CDKN2AIP: variants seen among roughly 807,000 people sequenced by gnomAD.
CDKN2AIP encodes the protein CDKN2A-interacting protein.
Under a neutral mutation model 44.1 loss-of-function variants are expected in CDKN2AIP, and 12 were observed. That is an observed-to-expected ratio of 0.27 (90% CI 0.17 to 0.44). CDKN2AIP has a LOEUF of 0.44. CDKN2AIP is among the 20% of genes least tolerant of loss of function. The probability of loss-of-function intolerance (pLI) is 1.00; values close to 1 mark genes in which losing one functional copy is unlikely to be tolerated. For synonymous variants in CDKN2AIP, 291 were observed against 272.1 expected, an observed-to-expected ratio of 1.07 and a Z score of -0.68; for missense variants, 705 against 681.6, an observed-to-expected ratio of 1.03 and a Z score of -0.38.
chr4:183,444,958 C>G lies in CDKN2AIP; in HGVS notation c.161C>G (p.Ser54Cys), dbSNP rs918174581. 1 of 1,611,162 alleles carries G rather than the reference C, an allele frequency of 6.2e-7. No individual in the cohort carries two copies. The highest frequency in any genetic ancestry group is 1.3e-5 in the African/African-American group (1 of 74,894). Residue 54 changes from serine (S) to cysteine (C), a missense_variant, in exon 1 of 3, where the codon TCC becomes TGC. This residue lies in a region of CDKN2AIP where 592 missense variants were observed against 518.0 expected (regional missense o/e 1.14). Transcript: ENST00000504169. ...GDLAPAGGAA[S>C]ASTDEAADAE... ...CTGGCCCCCGCTGGCGGCGCTGCCT[C>G]CGCTAGCACGGATGAAGCTGCCGAC...
In CDKN2AIP at chr4:183,444,676, T is replaced by G. The variant is rs1458773896; in HGVS notation, c.-122T>G. ...GGCTCTGGGCGCTGTTGTTTGGTCTTTAGGCCTGCGGAGGGGCGTTATCTG... is the reference window on the plus strand; with the variant it reads ...GGCTCTGGGCGCTGTTGTTTGGTCTGTAGGCCTGCGGAGGGGCGTTATCTG... On this transcript the variant is annotated 5_prime_UTR_variant, in exon 1 of 3. Coordinates refer to ENST00000504169, the MANE Select transcript of CDKN2AIP (RefSeq NM_017632.4). The G allele has an allele frequency of 2.0e-6, 2 of 1,002,546 alleles. No individual in the cohort carries two copies. Among genetic ancestry groups the G allele is most frequent in the East Asian group, 5.8e-5 (2 of 34,728 alleles). 62.1% of individuals were successfully genotyped at this position (1,002,546 alleles called of 1,614,324 possible).
chr4:183,446,961 G>A lies in CDKN2AIP; in HGVS notation c.1277G>A (p.Cys426Tyr), dbSNP rs745397785. 2.5e-6 allele frequency: 4 copies of A among 1,614,202 alleles called. 1 individual carries two copies. The South Asian group carries it at 3.3e-5, about 13-fold the overall frequency. ...QSSESSVKFS[C>Y]KLTNEDVKQK... ...AGTGAGAGTTCTGTCAAATTCTCTT[G>A]CAAGTTAACCAATGAAGATGTGAAA... Residue 426 changes from cysteine to tyrosine, a missense_variant, in exon 3 of 3, where the codon TGC becomes TAC. By Grantham distance (194) the Cys-to-Tyr change is radical. Coordinates refer to ENST00000504169, the MANE Select transcript of CDKN2AIP (RefSeq NM_017632.4).
intron 2 of CDKN2AIP, 91 bp downstream of exon 2, chr4:183,445,756 C>T (rs537887747): frequency 9.3e-7 from 1 of 1,069,944 alleles, no homozygotes; most frequent in African/African-American, 1.6e-5. Flanking sequence ...TTTTAACAAG[C>T]CAGAATTTTT....
rs143545447 is a variant in CDKN2AIP at position 183,446,169 on chromosome 4, C to T, written c.485C>T (p.Ser162Phe). 1 of 1,614,156 alleles carries T rather than the reference C, an allele frequency of 6.2e-7. No individual in the cohort carries two copies. The change falls in exon 3 of 3, where the codon TCT becomes TTT. Residue 162 changes from serine (S) to phenylalanine (F), a missense_variant. Ser to Phe is a radical substitution (Grantham distance 155). This residue lies in a region of CDKN2AIP where 592 missense variants were observed against 518.0 expected (regional missense o/e 1.14). Coordinates refer to ENST00000504169, the MANE Select transcript of CDKN2AIP (RefSeq NM_017632.4). ...GTTGAGCAAGATCACGCAAAAACCT[C>T]TGCCAAGACAGAACGTGCATCAGCT... ...SAVEQDHAKT[S>F]AKTERASAQQ...
Position 183,444,645 on chromosome 4 carries a change from T to G in CDKN2AIP, c.-153T>G. ...GCCGGCGGTGGGCGGAAGTGGGCGGTTCGGCGGCTCTGGGCGCTGTTGTTT... is the reference window on the plus strand; with the variant it reads ...GCCGGCGGTGGGCGGAAGTGGGCGGGTCGGCGGCTCTGGGCGCTGTTGTTT... On this transcript the variant is annotated 5_prime_UTR_variant, in exon 1 of 3. Transcript: ENST00000504169. 1 of 623,900 alleles carries G rather than the reference T, an allele frequency of 1.6e-6. No individual in the cohort carries two copies. The highest frequency in any genetic ancestry group is 2.5e-6 in the Non-Finnish European group (1 of 406,244). 38.6% of individuals were successfully genotyped at this position (623,900 alleles called of 1,614,324 possible).
chr4:183,445,366 G>A (rs1733644434), intron 1 of CDKN2AIP, 169 bp from the exon 2 acceptor site: 2 of 634,126 alleles, frequency 3.2e-6, no homozygotes, highest in South Asian at 4.0e-5. Context: ...GAGGTGCCCT[G>A]CCTCCCAGAC....
chr4:183,446,791 A>C lies in CDKN2AIP; in HGVS notation c.1107A>C (p.Ser369=). Reference sequence around the variant, plus strand: ...AGAGCACTTCCCAGGTAGCTGCATCACTACTAGCTTCCAAGAGCAGCTCCC... The same window carrying C: ...AGAGCACTTCCCAGGTAGCTGCATCCCTACTAGCTTCCAAGAGCAGCTCCC... ...TSKSTSQVAA[S]LLASKSSSQT... The change falls in exon 3 of 3, where the codon TCA becomes TCC. Residue 369 remains serine (S), a synonymous_variant. Coordinates refer to ENST00000504169, the MANE Select transcript of CDKN2AIP (RefSeq NM_017632.4). 8 of 1,614,170 alleles carry C rather than the reference A, an allele frequency of 5.0e-6. No individual in the cohort carries two copies. Among genetic ancestry groups the C allele is most frequent in the Non-Finnish European group, 6.8e-6 (8 of 1,180,000 alleles).
chr4:183,444,756 C>T lies in CDKN2AIP; in HGVS notation c.-42C>T, dbSNP rs140106882. 5.0e-3 allele frequency: 7,376 copies of T among 1,478,828 alleles called. 31 individuals are homozygous for T. Among genetic ancestry groups the T allele is most frequent in the Admixed American group, 6.5e-3 (284 of 43,944 alleles). 91.6% of individuals were successfully genotyped at this position (1,478,828 alleles called of 1,614,324 possible). A position where few individuals can be genotyped will look rare whatever the true frequency, so the allele number is the denominator to read the frequency against. ...GGGCCGCTCGCCCCGCTAGTCCTGC[C>T]TGTCTCCCGGTGCAGCTGTGTTCGC... On this transcript the variant is annotated 5_prime_UTR_variant, in exon 1 of 3. Coordinates refer to ENST00000504169, the MANE Select transcript of CDKN2AIP (RefSeq NM_017632.4).
Position 183,447,428 on chromosome 4 carries a change from T to C in CDKN2AIP, c.*1T>C, listed in dbSNP as rs975349688. The stretch of plus-strand genomic sequence containing the variant: ...AAAACATCCTCAAGAATTACTATAA[T>C]GTGTCCAAAATATCACTGCATACAA... On this transcript the variant is annotated 3_prime_UTR_variant, in exon 3 of 3. Coordinates refer to ENST00000504169, the MANE Select transcript of CDKN2AIP (RefSeq NM_017632.4). 8 of 1,519,796 alleles carry C rather than the reference T, an allele frequency of 5.3e-6. No homozygotes were observed. The highest frequency in any genetic ancestry group is 1.4e-5 in the African/African-American group (1 of 71,690). The allele number at this position is 1,519,796 out of a possible 1,614,324, so 94.1% of individuals were successfully genotyped here.
rs1335836437 is a variant in CDKN2AIP at position 183,444,793 on chromosome 4, C to T, written c.-5C>T. 1.3e-6 allele frequency: 2 copies of T among 1,525,894 alleles called. No homozygotes were observed. The highest frequency in any genetic ancestry group is 4.9e-5 in the East Asian group (2 of 40,416). The allele number at this position is 1,525,894 out of a possible 1,614,324, so 94.5% of individuals were successfully genotyped here. On this transcript the variant is annotated 5_prime_UTR_variant, in exon 1 of 3. Coordinates refer to ENST00000504169, the MANE Select transcript of CDKN2AIP (RefSeq NM_017632.4). ...GCAGCTGTGTTCGCGGCCTGCAGGCCCAACATGGCGCAGGAGGTGTCGGAG... is the reference window on the plus strand; with the variant it reads ...GCAGCTGTGTTCGCGGCCTGCAGGCTCAACATGGCGCAGGAGGTGTCGGAG...
In CDKN2AIP at chr4:183,447,672, C is replaced by A; in HGVS notation, c.*245C>A. On this transcript the variant is annotated 3_prime_UTR_variant, in exon 3 of 3. Coordinates refer to ENST00000504169, the MANE Select transcript of CDKN2AIP (RefSeq NM_017632.4). The stretch of plus-strand genomic sequence containing the variant: ...TTTTATTTGCTGAAGAAAATACTGT[C>A]TTCTATTTTTAATGATACATTAGGT... 3.2e-6 allele frequency: 1 copy of A among 308,726 alleles called. No homozygotes were observed. The highest frequency in any genetic ancestry group is 5.9e-6 in the Non-Finnish European group (1 of 169,006). The allele number at this position is 308,726 out of a possible 1,614,324, so 19.1% of individuals were successfully genotyped here.
Position 183,444,699 on chromosome 4 carries a change from C to T in CDKN2AIP, c.-99C>T, listed in dbSNP as rs1733619011. On this transcript the variant is annotated 5_prime_UTR_variant, in exon 1 of 3. Coordinates refer to ENST00000504169, the MANE Select transcript of CDKN2AIP (RefSeq NM_017632.4). ...CTTTAGGCCTGCGGAGGGGCGTTAT[C>T]TGGAGGGCCGCGGGTGCAGGCCGCA... 13 of 1,281,828 alleles carry T rather than the reference C, an allele frequency of 1.0e-5. No homozygotes were observed. 79.4% of individuals were successfully genotyped at this position (1,281,828 alleles called of 1,614,324 possible).
rs756623161 is a variant in CDKN2AIP at position 183,446,434 on chromosome 4, C to T, written c.750C>T (p.Ser250=). The T allele has an allele frequency of 4.3e-6, 7 of 1,613,474 alleles. No homozygotes were observed. In the Admixed American group the frequency reaches 8.3e-5, roughly 19 times the overall value. Residue 250 remains serine (S), a synonymous_variant, in exon 3 of 3, where the codon TCC becomes TCT. Transcript: ENST00000504169. ...GSASFVSLLK[S]SVNSHMTQST... is the part of the protein sequence containing the mutation. The stretch of plus-strand genomic sequence containing the variant: ...CATCATTTGTTTCCTTGCTGAAATC[C>T]AGTGTGAATAGTCACATGACCCAAT...
Position 183,447,246 on chromosome 4 carries a change from A to G in CDKN2AIP, c.1562A>G (p.Glu521Gly), listed in dbSNP as rs2111227505. The G allele has an allele frequency of 6.2e-7, 1 of 1,611,172 alleles. No homozygotes were observed. The highest frequency in any genetic ancestry group is 2.2e-5 in the East Asian group (1 of 44,864). The change falls in exon 3 of 3, where the codon GAA becomes GGA. Residue 521 changes from glutamate (E) to glycine (G), a missense_variant. By Grantham distance (98) the Glu-to-Gly change is moderately conservative. Around this residue, in one of 2 missense-constraint regions of CDKN2AIP, gnomAD observed 113 missense variants for 163.6 expected, o/e 0.69. Coordinates refer to ENST00000504169, the MANE Select transcript of CDKN2AIP (RefSeq NM_017632.4). ...GGCACTGGCTGTGGAAAAAGCAAAG[A>G]AAATGCAAAAGCAGTTGCATCAAGA... ...YLGTGCGKSK[E>G]NAKAVASREA...
At chr4:183,445,961 C>A in intron 2 of CDKN2AIP, 127 bp from the exon 3 acceptor site, 1 of 812,532 alleles carries the variant, frequency 1.2e-6, no homozygotes, top group Non-Finnish European at 2.0e-6. Context: ...TGACTCCACA[C>A]TTTTTAAAGA....
chr4:183,444,846 G>A lies in CDKN2AIP; in HGVS notation c.49G>A (p.Ala17Thr). ...CCTGAGCCAGAACCCGCGGGTGGCA[G>A]CCTGGGTGGAGGCGCTGCGCTGCGA... ...EYLSQNPRVA[A>T]WVEALRCDGE... Residue 17 changes from alanine (A) to threonine (T), a missense_variant, in exon 1 of 3, where the codon GCC (alanine) becomes ACC (threonine). Coordinates refer to ENST00000504169, the MANE Select transcript of CDKN2AIP (RefSeq NM_017632.4). The A allele has an allele frequency of 6.4e-7, 1 of 1,570,852 alleles. No individual in the cohort carries two copies. The highest frequency in any genetic ancestry group is 8.6e-7 in the Non-Finnish European group (1 of 1,157,662).
Position 183,444,734 on chromosome 4 carries a change from C to T in CDKN2AIP, c.-64C>T, listed in dbSNP as rs918154510. ...GCGGGTGCAGGCCGCAGTGACAGGG[C>T]CGCTCGCCCCGCTAGTCCTGCCTGT... On this transcript the variant is annotated 5_prime_UTR_variant, in exon 1 of 3. Transcript: ENST00000504169. 27 of 1,443,240 alleles carry T rather than the reference C, an allele frequency of 1.9e-5. No individual in the cohort carries two copies. In the African/African-American group the frequency reaches 3.2e-4, roughly 17 times the overall value. 89.4% of individuals were successfully genotyped at this position (1,443,240 alleles called of 1,614,324 possible). A position where few individuals can be genotyped will look rare whatever the true frequency, so the allele number is the denominator to read the frequency against.
Position 183,444,966 on chromosome 4 carries a change from A to G in CDKN2AIP, c.169A>G (p.Thr57Ala). 3 of 1,611,062 alleles carry G rather than the reference A, an allele frequency of 1.9e-6. No individual in the cohort carries two copies. Among genetic ancestry groups the G allele is most frequent in the Non-Finnish European group, 2.5e-6 (3 of 1,178,542 alleles). Residue 57 changes from threonine to alanine, a missense_variant, in exon 1 of 3, where the codon ACG becomes GCG. Transcript: ENST00000504169. The stretch of plus-strand genomic sequence containing the variant: ...CGCTGGCGGCGCTGCCTCCGCTAGC[A>G]CGGATGAAGCTGCCGACGCCGAGAG... ...APAGGAASAS[T>A]DEAADAESGT...
In CDKN2AIP at chr4:183,448,295, A is replaced by G. The variant is rs1411877679; in HGVS notation, c.*868A>G. 6.6e-6 allele frequency: 1 copy of G among 152,076 alleles called. No homozygotes were observed. The highest frequency in any genetic ancestry group is 1.9e-4 in the East Asian group (1 of 5,202). 9.4% of individuals were successfully genotyped at this position (152,076 alleles called of 1,614,324 possible). A position where few individuals can be genotyped will look rare whatever the true frequency, so the allele number is the denominator to read the frequency against. On this transcript the variant is annotated 3_prime_UTR_variant, in exon 3 of 3. Coordinates refer to ENST00000504169, the MANE Select transcript of CDKN2AIP (RefSeq NM_017632.4). ...AGACAACCAGGTAATTGTGTGATAT[A>G]CATCTTTATTTAATTTTTTTTTTTA...
Sources: allele counts gnomAD v4.1 joint callset, GRCh38; gene constraint gnomAD v4.1.1; regional missense constraint gnomAD v4.1.1; transcripts MANE v1.5; gene names NCBI Gene and HGNC (gene_info 2026-07-23, HGNC 2026-07-21).